The following PRR5L variants were observed in gnomAD, a reference collection of about 807,000 sequenced individuals.
The protein encoded by PRR5L is proline rich 5 like, also known as proline-rich protein 5-like.
In PRR5L, 21 loss-of-function variants were observed where a neutral mutation model predicts 36.4. The ratio of observed to expected loss-of-function variants is 0.58; its 90% CI spans 0.41 to 0.83. The LOEUF (loss-of-function observed/expected upper bound fraction) is 0.83. PRR5L is among the 40% of genes least tolerant of loss of function. The pLI, the probability that PRR5L is intolerant of heterozygous loss-of-function variation, is 0.00. For missense variants in PRR5L, 381 were observed against 473.3 expected, an observed-to-expected ratio of 0.80 and a Z score of 1.81; for synonymous variants, 188 against 197.0, an observed-to-expected ratio of 0.95 and a Z score of 0.38.
At chr11:36,351,227 TTTA>T (rs1856939533) in intron 1 of PRR5L, among the ~76,000 whole-genome samples, 1 of 84,930 alleles carries the variant, frequency 1.2e-5, no homozygotes. Context: ...AATATATATA[TTTA>T]TATATATTTA....
chr11:36,385,655 CT>C (rs1857445335), intron 1 of PRR5L, among the ~76,000 whole-genome samples: 1 of 152,246 alleles, frequency 6.6e-6, no homozygotes, highest in African/African-American at 2.4e-5. Context: ...CTGTTGAGCC[CT>C]TTCCATAGTT....
intron 4 of PRR5L, among the ~76,000 whole-genome samples, chr11:36,427,559 G>C (rs1224518445): frequency 1.3e-5 from 2 of 152,268 alleles, no homozygotes; most frequent in East Asian, 3.9e-4. Flanking sequence ...TGTGAGGTGA[G>C]GTCCAGGAAG....
intron 1 of PRR5L, chr11:36,297,477 A>T (rs1011959431): frequency 2.0e-5 from 3 of 152,246 alleles, no homozygotes; most frequent in Non-Finnish European, 4.4e-5. Context: ...GCCAGAGACC[A>T]GGCTAAGTTG....
intron 1 of PRR5L, among the ~76,000 whole-genome samples, chr11:36,315,821 A>T (rs1206669195): frequency 6.6e-6 from 1 of 152,270 alleles, no homozygotes; most frequent in East Asian, 1.9e-4. Context: ...TGTGATAATT[A>T]GACATAAACG....
At chr11:36,457,803 C>T (rs1421320247) in intron 8 of PRR5L, among the ~76,000 whole-genome samples, 2 of 152,144 alleles carry the variant, frequency 1.3e-5, no homozygotes, top group Non-Finnish European at 2.9e-5. Flanking sequence ...CTGTCTCCTG[C>T]TAGACTGGTT....
At chr11:36,392,703 C>T (rs147629156) in intron 1 of PRR5L, among the ~76,000 whole-genome samples, 3 of 151,822 alleles carry the variant, frequency 2.0e-5, no homozygotes, top group African/African-American at 7.2e-5. Context: ...TGGGGGAAGG[C>T]AAAGGGAAAG....
Position 36,449,289 on chromosome 11 carries a change from C to T in PRR5L, c.586-1920C>T, listed in dbSNP as rs191968275. 1.6e-3 allele frequency among the ~76,000 whole-genome samples: 251 copies of T among 152,352 alleles called. 2 individuals carry two copies. Among genetic ancestry groups the T allele is most frequent in the Admixed American group, 0.015 (233 of 15,304 alleles). ...GCCTCCGTACTTAGAATTGTCCATT[C>T]TCTCCCTAGACATGCACTTTCCACA... On this transcript the variant is annotated intron_variant, in intron 7 of 8. Coordinates refer to ENST00000530639, the MANE Select transcript of PRR5L (RefSeq NM_001160167.2).
In PRR5L at chr11:36,344,507, CT is replaced by C. The variant is rs1265606520; in HGVS notation, c.-126+48071del. 2.0e-5 allele frequency among the ~76,000 whole-genome samples: 3 copies of C among 152,108 alleles called. No individual in the cohort carries two copies. Among genetic ancestry groups the C allele is most frequent in the Non-Finnish European group, 4.4e-5 (3 of 68,016 alleles). On this transcript the variant is annotated intron_variant, in intron 1 of 8. Transcript: ENST00000530639. This position sits in a 1 kb window ranked among gnomAD's most constrained non-coding sequence, Gnocchi z 4.1. ...TTGTACCACCTGTTTTGGACATTAACTTCATTTGTACTTTTGCTATTGTCAA... is the reference window on the plus strand; with the variant it reads ...TTGTACCACCTGTTTTGGACATTAACTCATTTGTACTTTTGCTATTGTCAA...
chr11:36,409,196 T>C (rs568837416), intron 3 of PRR5L, among the ~76,000 whole-genome samples: 51 of 152,198 alleles, frequency 3.4e-4, no homozygotes, highest in Non-Finnish European at 6.6e-4. Context: ...GTTGAGGATC[T>C]AACGTTCTTG....
chr11:36,390,218 A>T (rs940432163), intron 1 of PRR5L, among the ~76,000 whole-genome samples: 3 of 152,134 alleles, frequency 2.0e-5, no homozygotes, highest in African/African-American at 4.8e-5. Flanking sequence ...TGAGCAAGTG[A>T]AGGTGGGCTA....
At chr11:36,454,439 C>T (rs1358009812) in intron 8 of PRR5L, among the ~76,000 whole-genome samples, 2 of 152,106 alleles carry the variant, frequency 1.3e-5, no homozygotes, top group African/African-American at 4.8e-5. Context: ...GCATTGAGAT[C>T]GCTGGCTGAA....
At chr11:36,342,778 T>C (rs1025114126) in intron 1 of PRR5L, among the ~76,000 whole-genome samples, 1 of 152,194 alleles carries the variant, frequency 6.6e-6, no homozygotes, top group South Asian at 2.1e-4. Flanking sequence ...TCCAGTCTTC[T>C]TCTCCCTTTA....
chr11:36,382,458 T>G (rs1349133925), intron 1 of PRR5L, among the ~76,000 whole-genome samples: 1 of 152,206 alleles, frequency 6.6e-6, no homozygotes, highest in Non-Finnish European at 1.5e-5. Flanking sequence ...GCTGTGCTTC[T>G]GAAAGCGCAC....
chr11:36,365,118 G>A lies in PRR5L; in HGVS notation c.-125-35879G>A, dbSNP rs114759027. ...TGCTCATGCTGATTTCCTATCAAAC[G>A]TCCTTAGATCATATCTGTTAGGTCT... On this transcript the variant is annotated intron_variant, in intron 1 of 8. Transcript: ENST00000530639. 7.9e-3 allele frequency among the ~76,000 whole-genome samples: 1,209 copies of A among 152,208 alleles called. 18 individuals are homozygous for A. Among genetic ancestry groups the A allele is most frequent in the African/African-American group, 0.027 (1,105 of 41,526 alleles).
At chr11:36,400,584 A>G (rs1192348094) in intron 1 of PRR5L, among the ~76,000 whole-genome samples, 1 of 152,168 alleles carries the variant, frequency 6.6e-6, no homozygotes, top group Non-Finnish European at 1.5e-5. Context: ...GTAAGGGCAT[A>G]TCATGGATGG....
chr11:36,403,415 A>G lies in PRR5L; in HGVS notation c.245+37A>G, dbSNP rs768159399. On this transcript the variant is annotated intron_variant, in intron 3 of 8. Coordinates refer to ENST00000530639, the MANE Select transcript of PRR5L (RefSeq NM_001160167.2). ...GCCAGACTTGGTGCCATTTTCCCCT[A>G]TAAACCTGAGCAGGGGCATAGGGGC... 5 of 1,570,096 alleles carry G rather than the reference A, an allele frequency of 3.2e-6. No homozygotes were observed. In the East Asian group the frequency reaches 6.7e-5, roughly 21 times the overall value.
Position 36,324,877 on chromosome 11 carries a change from G to GA in PRR5L, c.-126+28442dup, listed in dbSNP as rs1156268324. On this transcript the variant is annotated intron_variant, in intron 1 of 8. Transcript: ENST00000530639. ...ATCTTTTTATTTTCTTAATTTTAGT[G>GA]AAAGTCTGACTGTAGGGTGCCAATT... Among the ~76,000 whole-genome samples the GA allele has an allele frequency of 4.6e-5, 7 of 151,982 alleles. No homozygotes were observed. The South Asian group carries it at 1.5e-3, about 32-fold the overall frequency.
intron 1 of PRR5L, among the ~76,000 whole-genome samples, chr11:36,388,810 T>C (rs937087137): frequency 1.2e-4 from 18 of 150,754 alleles, no homozygotes; most frequent in Non-Finnish European, 2.5e-4. Context: ...GCCATTCTCC[T>C]GCCTCAGCCT....
chr11:36,328,205 T>C (rs1429178339), intron 1 of PRR5L, among the ~76,000 whole-genome samples: 1 of 152,146 alleles, frequency 6.6e-6, no homozygotes, highest in African/African-American at 2.4e-5. Flanking sequence ...AGAACACTTA[T>C]GGGGAAACAA....
Sources: gnomAD v4.1 joint callset for allele counts (sites outside exome capture counted in the v4.1 genomes callset) on GRCh38, gnomAD v4.1.1 for gene constraint, Gnocchi (gnomAD v3.1) non-coding constraint, MANE v1.5 for transcripts, NCBI Gene and HGNC (gene_info 2026-07-23, HGNC 2026-07-21) for gene names.